ZNF416: variants seen among roughly 807,000 people sequenced by gnomAD.
ZNF416 encodes the protein zinc finger protein 416.
Under a neutral mutation model 10.9 loss-of-function variants are expected in ZNF416, and 5 were observed. The observed-to-expected ratio is 0.46, with a 90% CI of 0.24 to 0.97. The LOEUF is 0.97. Ranked by LOEUF, ZNF416 falls within the 50% of genes least tolerant of loss-of-function variation. ZNF416 has a pLI of 0.19. For missense variants in ZNF416, 675 were observed against 715.0 expected (o/e 0.94, Z 0.64); for synonymous variants, 267 against 251.8 (o/e 1.06, Z -0.57).
chr19:57,575,004 G>A lies in ZNF416; in HGVS notation c.202+800C>T, dbSNP rs995404777. On this transcript the variant is annotated intron_variant, in intron 3 of 3. Coordinates refer to ENST00000196489, the MANE Select transcript of ZNF416 (RefSeq NM_017879.3). The surrounding 1 kb of genome is among the most constrained non-coding windows in gnomAD (Gnocchi z 4.4). ...TGACACATGGAGGGCAGGAAGATGG[G>A]GGCAGCACGAGGCCGGATGTCCCAG... Among the ~76,000 whole-genome samples, 12 of 152,174 alleles carry A rather than the reference G, an allele frequency of 7.9e-5. No homozygotes were observed. The highest frequency in any genetic ancestry group is 1.8e-4 in the Non-Finnish European group (12 of 68,034).
Position 57,572,843 on chromosome 19 carries a change from T to C in ZNF416, c.1061A>G (p.Tyr354Cys), listed in dbSNP as rs764292577. The change falls in exon 4 of 4, where the codon TAT (tyrosine) becomes TGT (cysteine). Residue 354 changes from tyrosine (Y) to cysteine (C), a missense_variant. Physicochemically the swap from Tyr to Cys is radical, Grantham distance 194. Coordinates refer to ENST00000196489, the MANE Select transcript of ZNF416 (RefSeq NM_017879.3). The surrounding 1 kb of genome is among the most constrained non-coding windows in gnomAD (Gnocchi z 4.5). The stretch of plus-strand genomic sequence containing the variant: ...GGCTTTTCCACATTCATCACACTCA[T>C]AAGGCCTTTCTCCAGTGTGAATTCT... Reference protein sequence around the residue: ...HCRIHTGERPYECDECGKAFG... With the variant: ...HCRIHTGERPCECDECGKAFG... 11 of 1,613,816 alleles carry C rather than the reference T, an allele frequency of 6.8e-6. No homozygotes were observed. The highest frequency in any genetic ancestry group is 9.3e-6 in the Non-Finnish European group (11 of 1,179,886).
In ZNF416 at chr19:57,576,060, G is replaced by A. The variant is rs558111064; in HGVS notation, c.76-130C>T. 12 of 1,175,516 alleles carry A rather than the reference G, an allele frequency of 1.0e-5. No individual in the cohort carries two copies. In the African/African-American group the frequency reaches 1.8e-4, roughly 18 times the overall value. 72.8% of individuals were successfully genotyped at this position (1,175,516 alleles called of 1,614,324 possible). A position where few individuals can be genotyped will look rare whatever the true frequency, so the allele number is the denominator to read the frequency against. On this transcript the variant is annotated intron_variant, in intron 2 of 3. Coordinates refer to ENST00000196489, the MANE Select transcript of ZNF416 (RefSeq NM_017879.3). ...CACCTCAGAGGAGATACCAAGACCT[G>A]GTGGCACTGATTCCTGCCCTCTCCT...
At chr19:57,574,311 G>A (rs1356827581) in intron 3 of ZNF416, among the ~76,000 whole-genome samples, 1 of 152,134 alleles carries the variant, frequency 6.6e-6, no homozygotes, top group Non-Finnish European at 1.5e-5. Flanking sequence ...ATCCTAAACT[G>A]TTTATTATGT....
rs1244316253 is a variant in ZNF416 at position 57,572,508 on chromosome 19, A to G, written c.1396T>C (p.Tyr466His). The change falls in exon 4 of 4, where the codon TAT becomes CAT. Residue 466 changes from tyrosine (Y) to histidine (H), a missense_variant. Tyr to His is a moderately conservative substitution (Grantham distance 83). Transcript: ENST00000196489. The surrounding 1 kb of genome is among the most constrained non-coding windows in gnomAD (Gnocchi z 4.5). ...HHKVHTAERPYVCGECGKAFM... is the reference protein window; with the variant it reads ...HHKVHTAERPHVCGECGKAFM... ...GCTTTCCCACATTCCCCACATACAT[A>G]AGGCCTTTCTGCAGTGTGAACTTTG... 1 of 1,613,996 alleles carries G rather than the reference A, an allele frequency of 6.2e-7. No individual in the cohort carries two copies. The highest frequency in any genetic ancestry group is 2.2e-5 in the East Asian group (1 of 44,862).
At chr19:57,578,334 GA>G (rs957210460) in intron 1 of ZNF416, 3 of 593,134 alleles carry the variant, frequency 5.1e-6, no homozygotes, top group Admixed American at 3.0e-5. Context: ...AGTAACTTTA[GA>G]AAAAATTTGA....
At chr19:57,578,562 AG>A in intron 1 of ZNF416, 109 bp downstream of exon 1, 1 of 1,235,434 alleles carries the variant, frequency 8.1e-7, no homozygotes, top group Non-Finnish European at 1.1e-6. Flanking sequence ...AGGGCCTCAT[AG>A]TCCTGGACTC....
At position 57,572,253 on chromosome 19, in the gene ZNF416, C is replaced by G; in HGVS notation, c.1651G>C (p.Glu551Gln). 1 of 1,614,220 alleles carries G rather than the reference C, an allele frequency of 6.2e-7. No homozygotes were observed. The highest frequency in any genetic ancestry group is 1.1e-5 in the South Asian group (1 of 91,084). Reference sequence around the variant, plus strand: ...AAGGACTTCCCACATTTGCCACACTCATATGGCCTTTCTCCTGTGTGAACC... The same window carrying G: ...AAGGACTTCCCACATTTGCCACACTGATATGGCCTTTCTCCTGTGTGAACC... Reference protein sequence around the residue: ...QVVHTGERPYECGKCGKSFTQ... With the variant: ...QVVHTGERPYQCGKCGKSFTQ... Residue 551 changes from glutamate to glutamine, a missense_variant, in exon 4 of 4, where the codon GAG (glutamate) becomes CAG (glutamine). Glu to Gln is a conservative substitution (Grantham distance 29). Transcript: ENST00000196489. This position sits in a 1 kb window ranked among gnomAD's most constrained non-coding sequence, Gnocchi z 4.5.
At position 57,571,957 on chromosome 19, in the gene ZNF416, G is replaced by T; in HGVS notation, c.*162C>A. ...GAGCTCCTGCAAGACACATATGCCT[G>T]GAACTAATGGGAGTCTGACCCATCG... On this transcript the variant is annotated 3_prime_UTR_variant, in exon 4 of 4. Coordinates refer to ENST00000196489, the MANE Select transcript of ZNF416 (RefSeq NM_017879.3). The T allele has an allele frequency of 1.2e-6, 1 of 848,452 alleles. No individual in the cohort carries two copies. Among genetic ancestry groups the T allele is most frequent in the Non-Finnish European group, 1.8e-6 (1 of 545,438 alleles). The allele number at this position is 848,452 out of a possible 1,614,324, so 52.6% of individuals were successfully genotyped here.
In ZNF416 at chr19:57,575,870, C is replaced by T. The variant is rs773825227; in HGVS notation, c.136G>A (p.Asp46Asn). ...CGGTACAGGAGCCTCTGAGCCTCATCAAGGAGCCCCCATTCTTCCTGGGAG... is the reference window on the plus strand; with the variant it reads ...CGGTACAGGAGCCTCTGAGCCTCATTAAGGAGCCCCCATTCTTCCTGGGAG... ...YFSQEEWGLL[D>N]EAQRLLYRDV... The change falls in exon 3 of 4, where the codon GAT (aspartate) becomes AAT (asparagine). Residue 46 changes from aspartate to asparagine, a missense_variant. Asp to Asn is a conservative substitution (Grantham distance 23). Coordinates refer to ENST00000196489, the MANE Select transcript of ZNF416 (RefSeq NM_017879.3). This position sits in a 1 kb window ranked among gnomAD's most constrained non-coding sequence, Gnocchi z 4.4. 4 of 1,614,022 alleles carry T rather than the reference C, an allele frequency of 2.5e-6. No individual in the cohort carries two copies. The highest frequency in any genetic ancestry group is 3.4e-6 in the Non-Finnish European group (4 of 1,180,038).
intron 2 of ZNF416, among the ~76,000 whole-genome samples, chr19:57,577,286 A>C (rs1187125465): frequency 2.6e-5 from 4 of 152,210 alleles, no homozygotes; most frequent in Non-Finnish European, 4.4e-5. Flanking sequence ...TTTATTAAAA[A>C]ATTTTAAAAA....
chr19:57,573,312 G>C lies in ZNF416; in HGVS notation c.592C>G (p.Pro198Ala). 4 of 1,614,178 alleles carry C rather than the reference G, an allele frequency of 2.5e-6. No individual in the cohort carries two copies. Among genetic ancestry groups the C allele is most frequent in the Non-Finnish European group, 3.4e-6 (4 of 1,180,032 alleles). The change falls in exon 4 of 4, where the codon CCA becomes GCA. Residue 198 changes from proline to alanine, a missense_variant. Transcript: ENST00000196489. ...TCCTCACATTTGCTGATTTTGTTTG[G>C]CTTCTCATAGTTAGCAATAGCTTGC... Reference protein sequence around the residue: ...QPQAIANYEKPNKISKCEEAF... With the variant: ...QPQAIANYEKANKISKCEEAF...
At position 57,572,252 on chromosome 19, in the gene ZNF416, T is replaced by G; in HGVS notation, c.1652A>C (p.Glu551Ala). 6.2e-7 allele frequency: 1 copy of G among 1,614,222 alleles called. No individual in the cohort carries two copies. Among genetic ancestry groups the G allele is most frequent in the Non-Finnish European group, 8.5e-7 (1 of 1,180,036 alleles). The change falls in exon 4 of 4, where the codon GAG becomes GCG. Residue 551 changes from glutamate (E) to alanine (A), a missense_variant. By Grantham distance (107) the Glu-to-Ala change is moderately radical. Transcript: ENST00000196489. The surrounding 1 kb of genome is among the most constrained non-coding windows in gnomAD (Gnocchi z 4.5). ...AAAGGACTTCCCACATTTGCCACAC[T>G]CATATGGCCTTTCTCCTGTGTGAAC... Reference protein sequence around the residue: ...QVVHTGERPYECGKCGKSFTQ... With the variant: ...QVVHTGERPYACGKCGKSFTQ...
chr19:57,577,913 G>A, intron 2 of ZNF416, 144 bp downstream of exon 2: 1 of 829,320 alleles, frequency 1.2e-6, no homozygotes. Flanking sequence ...TTCCAGCCTG[G>A]ATGTATGACC....
chr19:57,573,622 T>C lies in ZNF416; in HGVS notation c.282A>G (p.Pro94=), dbSNP rs1315132677. ...TCTTCTGGGTGGATGGACTGGCCTC[T>C]GGAGTCCTGACCTGAGGTACTCCTT... The part of the protein sequence containing the change: ...SVEGVPQVRT[P]EASPSTQKIQ... The change falls in exon 4 of 4, where the codon CCA becomes CCG. Residue 94 remains proline (P), a synonymous_variant. Coordinates refer to ENST00000196489, the MANE Select transcript of ZNF416 (RefSeq NM_017879.3). 2.5e-6 allele frequency: 4 copies of C among 1,614,116 alleles called. No individual in the cohort carries two copies. The Admixed American group carries it at 6.7e-5, about 27-fold the overall frequency.
Position 57,575,869 on chromosome 19 carries a change from TCAAGGAGC to T in ZNF416, c.129_136del (p.Leu44Ter). On this transcript the variant is annotated frameshift_variant, in exon 3 of 4. Coordinates refer to ENST00000196489, the MANE Select transcript of ZNF416 (RefSeq NM_017879.3). LOFTEE classifies it high-confidence loss of function. This position sits in a 1 kb window ranked among gnomAD's most constrained non-coding sequence, Gnocchi z 4.4. The stretch of plus-strand genomic sequence containing the variant: ...GCGGTACAGGAGCCTCTGAGCCTCA[TCAAGGAGC>T]CCCCATTCTTCCTGGGAGAAGTAAA... The T allele has an allele frequency of 6.2e-7, 1 of 1,614,072 alleles. No individual in the cohort carries two copies. The highest frequency in any genetic ancestry group is 1.1e-5 in the South Asian group (1 of 91,080).
At chr19:57,574,416 G>GCAC (rs1445723466) in intron 3 of ZNF416, among the ~76,000 whole-genome samples, 1 of 152,190 alleles carries the variant, frequency 6.6e-6, no homozygotes, top group Non-Finnish European at 1.5e-5. Flanking sequence ...ACTTCCTCAT[G>GCAC]TGGCCCTGCA....
Position 57,573,638 on chromosome 19 carries a change from G to A in ZNF416, c.266C>T (p.Pro89Leu). The A allele has an allele frequency of 6.2e-7, 1 of 1,614,158 alleles. No homozygotes were observed. The highest frequency in any genetic ancestry group is 8.5e-7 in the Non-Finnish European group (1 of 1,180,032). ...ACTGGCCTCTGGAGTCCTGACCTGA[G>A]GTACTCCTTCTACAGAAACACTTTG... ...PEQSVSVEGV[P>L]QVRTPEASPS... The change falls in exon 4 of 4, where the codon CCT becomes CTT. Residue 89 changes from proline to leucine, a missense_variant. Physicochemically the swap from Pro to Leu is moderately conservative, Grantham distance 98. Transcript: ENST00000196489.
intron 2 of ZNF416, 94 bp downstream of exon 2, chr19:57,577,963 C>T (rs1169211128): frequency 1.4e-6 from 2 of 1,389,210 alleles, no homozygotes; most frequent in East Asian, 4.6e-5. Context: ...GAACCAAGGA[C>T]CCAAAGAGTG....
chr19:57,574,454 C>CT lies in ZNF416; in HGVS notation c.203-754dup, dbSNP rs200678334. Among the ~76,000 whole-genome samples, 1,085 of 152,324 alleles carry CT rather than the reference C, an allele frequency of 7.1e-3. 61 individuals carry two copies. The highest frequency in any genetic ancestry group is 0.066 in the Admixed American group (1,016 of 15,302). Reference sequence around the variant, plus strand: ...GCATGGTGTTCACATGCTCTTGCTACTGCAGGTGATAAATTCCTATGTCAC... The same window carrying CT: ...GCATGGTGTTCACATGCTCTTGCTACTTGCAGGTGATAAATTCCTATGTCAC... On this transcript the variant is annotated intron_variant, in intron 3 of 3. Transcript: ENST00000196489.
Sources: allele counts gnomAD v4.1 joint callset (sites outside exome capture counted in the v4.1 genomes callset), GRCh38; gene constraint gnomAD v4.1.1; non-coding constraint Gnocchi (gnomAD v3.1); transcripts MANE v1.5; gene names NCBI Gene and HGNC (gene_info 2026-07-23, HGNC 2026-07-21).